Variants in STARD13 observed in about 807,000 individuals in gnomAD.
The protein encoded by STARD13 is StAR related lipid transfer domain containing 13.
In STARD13, 62 loss-of-function variants were observed where a neutral mutation model predicts 106.4. The ratio of observed to expected loss-of-function variants is 0.58; its 90% CI spans 0.48 to 0.72. STARD13 has a LOEUF of 0.72. STARD13 is among the 30% of genes least tolerant of loss of function. STARD13 has a pLI of 0.00. For missense variants in STARD13, 1,387 were observed against 1,424.0 expected, an observed-to-expected ratio of 0.97 and a Z score of 0.42; for synonymous variants, 565 against 553.0, an observed-to-expected ratio of 1.02 and a Z score of -0.31.
At chr13:33,638,864 G>A in the STARD13 span, among the ~76,000 whole-genome samples, 2 of 152,286 alleles carry the variant, frequency 1.3e-5, no homozygotes, top group African/African-American at 2.4e-5. Flanking sequence ...TTTGTTCAAA[G>A]CTGTTAGTTT....
At chr13:33,286,510 C>T (rs937912441), upstream of STARD13, among the ~76,000 whole-genome samples, 4 of 152,218 alleles carry the variant, frequency 2.6e-5, no homozygotes, top group African/African-American at 9.6e-5. Flanking sequence ...AGAATCACTG[C>T]AGAAGTTGCA....
intron 1 of STARD13, among the ~76,000 whole-genome samples, chr13:33,263,176 G>A (rs534865233): frequency 3.9e-5 from 6 of 152,138 alleles, no homozygotes; most frequent in African/African-American, 1.4e-4. Flanking sequence ...CTTTGGTGTG[G>A]GGGAGCATCC....
chr13:33,269,567 A>G (rs933144232), intron 1 of STARD13, among the ~76,000 whole-genome samples: 7 of 152,230 alleles, frequency 4.6e-5, no homozygotes, highest in African/African-American at 1.7e-4. Flanking sequence ...TCACGGCCTT[A>G]GGCAGTAAGC....
At chr13:33,358,840 A>G in the STARD13 span, among the ~76,000 whole-genome samples, 18 of 152,130 alleles carry the variant, frequency 1.2e-4, no homozygotes, top group Non-Finnish European at 2.2e-4. Flanking sequence ...AAATACACCA[A>G]TCAGCACCCT....
chr13:33,508,153 C>T, the STARD13 span, among the ~76,000 whole-genome samples: 2 of 152,212 alleles, frequency 1.3e-5, no homozygotes, highest in Non-Finnish European at 2.9e-5. Context: ...CACTCCTCTG[C>T]CATTCTCACT....
intron 10 of STARD13, 91 bp downstream of exon 10, chr13:33,111,687 A>T: frequency 1.3e-6 from 1 of 796,156 alleles, no homozygotes; most frequent in Non-Finnish European, 2.1e-6. Flanking sequence ...AGGAACAAAC[A>T]GATAGAAACC....
intron 1 of STARD13, among the ~76,000 whole-genome samples, chr13:33,239,959 T>C (rs1889385525): frequency 6.6e-6 from 1 of 152,176 alleles, no homozygotes; most frequent in Admixed American, 6.5e-5. Flanking sequence ...ATCAAATAAA[T>C]TTTTGCAAAT....
downstream of STARD13, among the ~76,000 whole-genome samples, chr13:33,346,129 AG>A (rs1170514335): frequency 6.6e-6 from 1 of 152,200 alleles, no homozygotes; most frequent in Non-Finnish European, 1.5e-5. Context: ...TCAGGCACAC[AG>A]GGCAAGAAAT....
chr13:33,586,746 G>A, the STARD13 span, among the ~76,000 whole-genome samples: 16 of 140,586 alleles, frequency 1.1e-4, no homozygotes, highest in African/African-American at 4.7e-4. Context: ...ATCACAGCAA[G>A]CTATGACCCT....
chr13:33,466,213 AT>A, the STARD13 span, among the ~76,000 whole-genome samples: 10 of 152,190 alleles, frequency 6.6e-5, no homozygotes, highest in Non-Finnish European at 1.2e-4. Flanking sequence ...TACAGGTTTT[AT>A]TTTTTAATGT....
the STARD13 span, among the ~76,000 whole-genome samples, chr13:33,602,911 G>A: frequency 6.6e-6 from 1 of 152,146 alleles, no homozygotes; most frequent in African/African-American, 2.4e-5. Context: ...TAGAAAAATT[G>A]TCTTCCACGA....
In STARD13 at chr13:33,207,668, C is replaced by T. The variant is rs142386295; in HGVS notation, c.170-40046G>A. On this transcript the variant is annotated intron_variant, in intron 1 of 13. Coordinates refer to ENST00000336934, the MANE Select transcript of STARD13 (RefSeq NM_178006.4). ...CCCTTTCCCACTTCCTCCATGAGAA[C>T]GTCATTCTGTGACAATGAACTTGAG... Among the ~76,000 whole-genome samples the T allele has an allele frequency of 3.3e-3, 507 of 152,330 alleles. 2 individuals carry two copies. The highest frequency in any genetic ancestry group is 0.02 in the Middle Eastern group (6 of 294).
At chr13:33,587,252 T>C in the STARD13 span, among the ~76,000 whole-genome samples, 1 of 151,794 alleles carries the variant, frequency 6.6e-6, no homozygotes, top group African/African-American at 2.4e-5. Flanking sequence ...GTTTCAGGCA[T>C]TTCCCTTGTA....
intron 1 of STARD13, among the ~76,000 whole-genome samples, chr13:33,220,519 C>T (rs970035342): frequency 1.1e-4 from 17 of 151,988 alleles, no homozygotes; most frequent in African/African-American, 3.9e-4. Flanking sequence ...AGTGAAACCT[C>T]GTCTCTACTA....
At chr13:33,576,584 T>C in the STARD13 span, among the ~76,000 whole-genome samples, 1 of 152,146 alleles carries the variant, frequency 6.6e-6, no homozygotes, top group Non-Finnish European at 1.5e-5. Context: ...CTGCCTTTGA[T>C]TGGCTAATTT....
At chr13:33,164,666 T>C (rs1167180918) in intron 3 of STARD13, among the ~76,000 whole-genome samples, 2 of 152,222 alleles carry the variant, frequency 1.3e-5, no homozygotes, top group Non-Finnish European at 2.9e-5. Flanking sequence ...ACCCAAATTA[T>C]AATTGTTATT....
chr13:33,676,211 TCC>T, the STARD13 span, among the ~76,000 whole-genome samples: 1 of 152,140 alleles, frequency 6.6e-6, no homozygotes, highest in Non-Finnish European at 1.5e-5. Flanking sequence ...TTTAATCCCC[TCC>T]CATGCCTAAG....
chr13:33,499,814 C>T, the STARD13 span, among the ~76,000 whole-genome samples: 1 of 135,868 alleles, frequency 7.4e-6, no homozygotes, highest in African/African-American at 2.8e-5. Flanking sequence ...CCCCAGGCTA[C>T]AGTGCAGTAG....
At chr13:33,313,769 C>CTCTA (rs1052701266) in intron 1 of STARD13, among the ~76,000 whole-genome samples, 3 of 152,172 alleles carry the variant, frequency 2.0e-5, no homozygotes, top group Non-Finnish European at 4.4e-5. Flanking sequence ...AGTCCTCTTA[C>CTCTA]TCTAGGGCAA....
Sources: gnomAD v4.1 joint callset for allele counts (sites outside exome capture counted in the v4.1 genomes callset) on GRCh38, gnomAD v4.1.1 for gene constraint, MANE v1.5 for transcripts, NCBI Gene and HGNC (gene_info 2026-07-23, HGNC 2026-07-21) for gene names.